The following FER variants were observed in gnomAD, a reference collection of about 807,000 sequenced individuals.
FER encodes the protein FER tyrosine kinase, also known as tyrosine-protein kinase Fer.
A neutral mutation model predicts 111.0 loss-of-function variants in FER; 63 were observed. That is an observed-to-expected ratio of 0.57 (90% CI 0.46 to 0.70). FER has a LOEUF of 0.70. FER is among the 30% of genes least tolerant of loss of function. The pLI is 0.00. For synonymous variants in FER, 327 were observed against 313.9 expected, an observed-to-expected ratio of 1.04 and a Z score of -0.44; for missense variants, 914 against 954.0, an observed-to-expected ratio of 0.96 and a Z score of 0.55.
intron 2 of FER, chr5:108,782,558 TTCC>T (rs1754210031): frequency 6.6e-6 from 1 of 152,216 alleles, no homozygotes; most frequent in Admixed American, 6.5e-5. Context: ...TCTGAAAGAT[TTCC>T]TCCTGTATTT....
intron 16 of FER, among the ~76,000 whole-genome samples, chr5:109,058,509 T>A (rs73779122): frequency 0.48 from 72,288 of 151,798 alleles, 18,044 homozygotes; most frequent in African/African-American, 0.61. Flanking sequence ...AAACTTAAAA[T>A]TAATTGATTT....
intron 2 of FER, among the ~76,000 whole-genome samples, chr5:108,795,836 C>T (rs1318442197): frequency 6.6e-6 from 1 of 152,142 alleles, no homozygotes; most frequent in Non-Finnish European, 1.5e-5. Flanking sequence ...TGTTAAAGAT[C>T]CCATATCTTT....
At chr5:108,815,238 G>A (rs1332432863) in intron 3 of FER, among the ~76,000 whole-genome samples, 1 of 152,058 alleles carries the variant, frequency 6.6e-6, no homozygotes, top group Non-Finnish European at 1.5e-5. Flanking sequence ...TTTTGGAAAT[G>A]AGATTTCCAG....
At chr5:109,064,699 G>A (rs1774866641) in intron 16 of FER, among the ~76,000 whole-genome samples, 1 of 152,120 alleles carries the variant, frequency 6.6e-6, no homozygotes, top group African/African-American at 2.4e-5. Flanking sequence ...AGAGGCAGGT[G>A]GCATGGTGAG....
At chr5:109,052,437 TA>T in intron 16 of FER, 1 of 1,416,424 alleles carries the variant, frequency 7.1e-7, no homozygotes, top group Non-Finnish European at 1.0e-6. Flanking sequence ...GGAGTTTGCC[TA>T]AAGTGCTCCA....
At chr5:109,154,611 TA>T (rs901197640) in intron 17 of FER, among the ~76,000 whole-genome samples, 2 of 151,928 alleles carry the variant, frequency 1.3e-5, no homozygotes, top group Admixed American at 6.6e-5. Context: ...GAATCTCGTT[TA>T]AGACATAGTT....
intron 6 of FER, among the ~76,000 whole-genome samples, chr5:108,870,645 G>C (rs1389881246): frequency 6.6e-6 from 1 of 151,978 alleles, no homozygotes; most frequent in African/African-American, 2.4e-5. Context: ...AGTAATGATG[G>C]TGGAAAAGAA....
chr5:109,105,517 T>A (rs1245857217), intron 17 of FER, among the ~76,000 whole-genome samples: 1 of 152,214 alleles, frequency 6.6e-6, no homozygotes, highest in Non-Finnish European at 1.5e-5. Flanking sequence ...AAATGTTTTC[T>A]GTGACGTTTT....
At chr5:109,046,850 C>T (rs555740987) in intron 15 of FER, among the ~76,000 whole-genome samples, 1 of 152,112 alleles carries the variant, frequency 6.6e-6, no homozygotes, top group South Asian at 2.1e-4. Flanking sequence ...AAATATTGCA[C>T]CATTTTGTGT....
At chr5:108,834,201 T>C (rs1432958518) in intron 4 of FER, among the ~76,000 whole-genome samples, 1 of 152,204 alleles carries the variant, frequency 6.6e-6, no homozygotes, top group Non-Finnish European at 1.5e-5. Context: ...TATTCCTTCA[T>C]CTTTAATTTT....
intron 2 of FER, among the ~76,000 whole-genome samples, chr5:108,777,428 G>C (rs1441323937): frequency 6.6e-6 from 1 of 152,092 alleles, no homozygotes; most frequent in Non-Finnish European, 1.5e-5. Context: ...ACACTGATAT[G>C]TCATTATCCC....
At chr5:109,111,185 G>A (rs1244600484) in intron 17 of FER, among the ~76,000 whole-genome samples, 2 of 152,026 alleles carry the variant, frequency 1.3e-5, no homozygotes, top group Non-Finnish European at 2.9e-5. Context: ...TTTATAGAGG[G>A]TTATATTTTC....
At chr5:108,833,048 C>G in intron 4 of FER, 105 bp downstream of exon 4, 1 of 975,828 alleles carries the variant, frequency 1.0e-6, no homozygotes, top group Non-Finnish European at 1.5e-6. Flanking sequence ...CATTTCCCAA[C>G]AAGAAATAGG....
intron 13 of FER, among the ~76,000 whole-genome samples, chr5:109,027,100 T>A (rs1768860276): frequency 6.6e-6 from 1 of 152,222 alleles, no homozygotes; most frequent in Non-Finnish European, 1.5e-5. Context: ...GATAATATTT[T>A]TTTTTAATTC....
chr5:109,165,940 A>T (rs1239121586), intron 17 of FER, among the ~76,000 whole-genome samples: 1 of 152,070 alleles, frequency 6.6e-6, no homozygotes, highest in African/African-American at 2.4e-5. Flanking sequence ...GTCTAATTGG[A>T]GTTATGGCAG....
chr5:108,921,082 A>G (rs555747809), intron 10 of FER, among the ~76,000 whole-genome samples: 1 of 152,086 alleles, frequency 6.6e-6, no homozygotes, highest in Non-Finnish European at 1.5e-5. Flanking sequence ...AGGTCAAATG[A>G]TACTTCTTTG....
intron 6 of FER, among the ~76,000 whole-genome samples, chr5:108,870,617 A>G (rs1056040000): frequency 6.7e-6 from 1 of 149,648 alleles, no homozygotes; most frequent in East Asian, 1.9e-4. Context: ...GAGCTTTTGT[A>G]CATATTAGTT....
chr5:109,131,248 A>C (rs1752328319), intron 17 of FER, among the ~76,000 whole-genome samples: 1 of 152,204 alleles, frequency 6.6e-6, no homozygotes, highest in African/African-American at 2.4e-5. Context: ...TGAGCTTTAG[A>C]TTAAGCCATC....
At chr5:108,806,370 G>C (rs1027906184) in intron 3 of FER, among the ~76,000 whole-genome samples, 1 of 152,206 alleles carries the variant, frequency 6.6e-6, no homozygotes, top group African/African-American at 2.4e-5. Flanking sequence ...GGGAAATGTG[G>C]GGTTGGAGCC....
Sources: allele counts gnomAD v4.1 joint callset (sites outside exome capture counted in the v4.1 genomes callset), GRCh38; gene constraint gnomAD v4.1.1; transcripts MANE v1.5; gene names NCBI Gene and HGNC (gene_info 2026-07-23, HGNC 2026-07-21).